The following EDRF1 variants were observed in gnomAD, a reference collection of about 807,000 sequenced individuals.
EDRF1 encodes the protein erythroid differentiation-related factor 1.
Under a neutral mutation model 148.7 loss-of-function variants are expected in EDRF1, and 69 were observed. That is an observed-to-expected ratio of 0.46 (90% CI 0.38 to 0.57). The LOEUF is 0.57. Ranked by LOEUF, EDRF1 falls within the 20% of genes least tolerant of loss-of-function variation. EDRF1 has a pLI of 0.00. For missense variants in EDRF1, 1,118 were observed against 1,478.7 expected (o/e 0.76, Z 4.00); for synonymous variants, 515 against 532.8 (o/e 0.97, Z 0.46).
chr10:125,719,882 G>A lies in EDRF1; in HGVS notation c.75G>A (p.Leu25=). 7 of 1,613,258 alleles carry A rather than the reference G, an allele frequency of 4.3e-6. No individual in the cohort carries two copies. Among genetic ancestry groups the A allele is most frequent in the Non-Finnish European group, 5.9e-6 (7 of 1,179,886 alleles). The change falls in exon 1 of 25, where the codon CTG becomes CTA. Residue 25 remains leucine, a synonymous_variant. Coordinates refer to ENST00000356792, the MANE Select transcript of EDRF1 (RefSeq NM_001202438.2). The part of the protein sequence containing the change: ...GAAARGGLSL[L]SQGESEESSA... ...CCGCTCGAGGAGGGCTCAGCCTCCT[G>A]TCCCAGGGAGAATCCGAGGAATCTT... is the stretch of plus-strand genomic sequence containing the variant.
intron 22 of EDRF1, chr10:125,751,815 A>T (rs1315089753): frequency 6.6e-6 from 1 of 152,222 alleles, no homozygotes; most frequent in African/African-American, 2.4e-5. Context: ...GTACATTAAA[A>T]TCAGCCAAGG....
rs1194915685 is a variant in EDRF1 at position 125,749,525 on chromosome 10, A to G, written c.3237A>G (p.Val1079=). The G allele has an allele frequency of 6.2e-7, 1 of 1,614,092 alleles. No homozygotes were observed. Among genetic ancestry groups the G allele is most frequent in the Non-Finnish European group, 8.5e-7 (1 of 1,180,042 alleles). Residue 1079 remains valine (V), a synonymous_variant, in exon 22 of 25, where the codon GTA becomes GTG. Coordinates refer to ENST00000356792, the MANE Select transcript of EDRF1 (RefSeq NM_001202438.2). ...LKDAPCELLR[V]QLERVAFAEF... ...ATGCTCCCTGCGAACTGCTTAGAGT[A>G]CAGCTAGAGAGAGTAGCATTTGCTG...
At chr10:125,737,670 A>T (rs540349107) in intron 13 of EDRF1, among the ~76,000 whole-genome samples, 1 of 152,336 alleles carries the variant, frequency 6.6e-6, no homozygotes, top group African/African-American at 2.4e-5. Context: ...GGTGCTAATT[A>T]TGAGTGGAGC....
chr10:125,750,257 C>T (rs962573709), intron 22 of EDRF1, among the ~76,000 whole-genome samples: 14 of 152,178 alleles, frequency 9.2e-5, no homozygotes, highest in African/African-American at 7.2e-5. Context: ...AGAACTGACC[C>T]TTGGATTGTG....
In EDRF1 at chr10:125,729,002, G is replaced by A. The variant is rs1289171938; in HGVS notation, c.793-1G>A. The A allele has an allele frequency of 1.9e-6, 3 of 1,572,930 alleles. No individual in the cohort carries two copies. The highest frequency in any genetic ancestry group is 2.7e-5 in the African/African-American group (2 of 74,398). On this transcript the variant is annotated splice_acceptor_variant, in intron 6 of 24. Transcript: ENST00000356792. LOFTEE classifies it high-confidence loss of function. Reference sequence around the variant, plus strand: ...ACTCCTTATCCTTGCACTTTTCACAGGGAAGTGAGCCTCTTGAACCCTCAT... The same window carrying A: ...ACTCCTTATCCTTGCACTTTTCACAAGGAAGTGAGCCTCTTGAACCCTCAT...
intron 18 of EDRF1, among the ~76,000 whole-genome samples, chr10:125,744,408 T>C (rs1019487510): frequency 2.6e-5 from 4 of 152,184 alleles, no homozygotes; most frequent in African/African-American, 9.7e-5. Context: ...GGTCTCGGAC[T>C]CCTGGCCTCA....
At chr10:125,742,181 C>G (rs1007676605) in intron 17 of EDRF1, 1 of 1,255,258 alleles carries the variant, frequency 8.0e-7, no homozygotes, top group Non-Finnish European at 1.0e-6. Context: ...TCATAGCCAC[C>G]TGTCTTGCTT....
At chr10:125,725,904 T>TA (rs564768268) in intron 6 of EDRF1, 66 bp downstream of exon 6, 100,719 of 1,245,338 alleles carry the variant, frequency 0.081, 69 homozygotes, top group East Asian at 0.16. Context: ...AACATCTCGT[T>TA]AAAAAAAAAA....
chr10:125,735,377 A>G (rs1315264740), intron 12 of EDRF1, among the ~76,000 whole-genome samples: 1 of 152,140 alleles, frequency 6.6e-6, no homozygotes, highest in Non-Finnish European at 1.5e-5. Context: ...GTTTGTCTCC[A>G]GTGAAATTCA....
chr10:125,724,185 G>A (rs193039014), intron 4 of EDRF1, among the ~76,000 whole-genome samples: 144 of 152,272 alleles, frequency 9.5e-4, no homozygotes, highest in Admixed American at 1.7e-3. Flanking sequence ...TGAAGCCAAT[G>A]AAGAAAGTTG....
intron 19 of EDRF1, among the ~76,000 whole-genome samples, chr10:125,746,495 G>A (rs1849362371): frequency 6.6e-6 from 1 of 152,090 alleles, no homozygotes; most frequent in Non-Finnish European, 1.5e-5. Flanking sequence ...AGAAAAAAGA[G>A]CAAATAACCT....
At chr10:125,720,871 G>A (rs1303079982) in intron 1 of EDRF1, among the ~76,000 whole-genome samples, 1 of 151,392 alleles carries the variant, frequency 6.6e-6, no homozygotes, top group Non-Finnish European at 1.5e-5. Context: ...CTTTACTAAA[G>A]TTTGCATCTA....
chr10:125,723,034 C>G (rs560452892), intron 2 of EDRF1, 34 bp from the exon 3 acceptor site: 2 of 1,513,368 alleles, frequency 1.3e-6, no homozygotes, highest in South Asian at 2.2e-5. Flanking sequence ...ATGAGCATGA[C>G]CTCATAACCT....
At chr10:125,742,779 T>A in intron 17 of EDRF1, 1 of 984,778 alleles carries the variant, frequency 1.0e-6, no homozygotes, top group African/African-American at 1.7e-5. Context: ...TCCATTCTAA[T>A]AAACAAGTGT....
Position 125,733,492 on chromosome 10 carries a change from T to G in EDRF1, c.1217T>G (p.Ile406Ser), listed in dbSNP as rs1370187520. Reference protein sequence around the residue: ...TKVIKDIAQNILSFLKSNCTK... With the variant: ...TKVIKDIAQNSLSFLKSNCTK... ...GTCATAAAAGACATTGCACAGAATA[T>G]TTTATCATTTTTGAAATCTAATTGT... Residue 406 changes from isoleucine (I) to serine (S), a missense_variant, in exon 10 of 25, where the codon ATT becomes AGT. By Grantham distance (142) the Ile-to-Ser change is moderately radical. Transcript: ENST00000356792. 1.9e-6 allele frequency: 3 copies of G among 1,597,996 alleles called. No homozygotes were observed. Among genetic ancestry groups the G allele is most frequent in the Non-Finnish European group, 2.6e-6 (3 of 1,165,708 alleles).
At position 125,719,737 on chromosome 10, in the gene EDRF1, CT is replaced by C. The variant is rs1589809467; in HGVS notation, c.-70del. 66 of 1,276,884 alleles carry C rather than the reference CT, an allele frequency of 5.2e-5. 2 individuals carry two copies. The East Asian group carries it at 1.7e-3, about 32-fold the overall frequency. 79.1% of individuals were successfully genotyped at this position (1,276,884 alleles called of 1,614,324 possible). A position where few individuals can be genotyped will look rare whatever the true frequency, so the allele number is the denominator to read the frequency against. On this transcript the variant is annotated 5_prime_UTR_variant, in exon 1 of 25. Coordinates refer to ENST00000356792, the MANE Select transcript of EDRF1 (RefSeq NM_001202438.2). ...CCGCGGAGCGTCTCTGGCGCTTACC[CT>C]GCTTTGGGCCTGCGTTGCTGCTGCT... is the stretch of plus-strand genomic sequence containing the variant.
intron 16 of EDRF1, 74 bp downstream of exon 16, chr10:125,740,725 G>T (rs957865968): frequency 5.5e-6 from 8 of 1,457,144 alleles, no homozygotes; most frequent in African/African-American, 1.4e-5. Flanking sequence ...AATCACAGTG[G>T]AAGTTTACTC....
Position 125,763,744 on chromosome 10 carries a change from T to C in EDRF1, c.*272T>C. 2.1e-6 allele frequency: 1 copy of C among 487,076 alleles called. No homozygotes were observed. Among genetic ancestry groups the C allele is most frequent in the Non-Finnish European group, 3.7e-6 (1 of 268,764 alleles). The allele number at this position is 487,076 out of a possible 1,614,324, so 30.2% of individuals were successfully genotyped here. ...TACCTCGGTATTAACAGACCTGCTG[T>C]GATGCAGTTACACTTTCACGTATTT... On this transcript the variant is annotated 3_prime_UTR_variant, in exon 25 of 25. Coordinates refer to ENST00000356792, the MANE Select transcript of EDRF1 (RefSeq NM_001202438.2). The surrounding 1 kb of genome is among the most constrained non-coding windows in gnomAD (Gnocchi z 4.3).
At chr10:125,725,964 A>T in intron 6 of EDRF1, 126 bp downstream of exon 6, 1 of 1,064,760 alleles carries the variant, frequency 9.4e-7, no homozygotes, top group East Asian at 2.6e-5. Flanking sequence ...GAATGGGGGA[A>T]AAAAGACTTC....
Sources: gnomAD v4.1 joint callset for allele counts (sites outside exome capture counted in the v4.1 genomes callset) on GRCh38, gnomAD v4.1.1 for gene constraint, Gnocchi (gnomAD v3.1) non-coding constraint, MANE v1.5 for transcripts, NCBI Gene and HGNC (gene_info 2026-07-23, HGNC 2026-07-21) for gene names.